Variants in PHACTR1 observed in about 807,000 individuals in gnomAD.
The protein encoded by PHACTR1 is phosphatase and actin regulator 1.
A neutral mutation model predicts 69.2 loss-of-function variants in PHACTR1; 16 were observed. The observed-to-expected ratio is 0.23, with a 90% CI of 0.16 to 0.35. The LOEUF (loss-of-function observed/expected upper bound fraction) is 0.35, where lower values mean the gene tolerates loss of function less well. Ranked by LOEUF, PHACTR1 falls within the 10% of genes least tolerant of loss-of-function variation. PHACTR1 has a pLI of 1.00. For synonymous variants in PHACTR1, 312 were observed against 284.5 expected (o/e 1.10, Z -0.97); for missense variants, 510 against 734.7 (o/e 0.69, Z 3.54).
intron 4 of PHACTR1, among the ~76,000 whole-genome samples, chr6:12,915,209 A>T (rs372545383): frequency 2.0e-5 from 3 of 152,152 alleles, no homozygotes; most frequent in Non-Finnish European, 2.9e-5. Context: ...AAAACTCAGC[A>T]TCAAAACCAG....
At chr6:13,115,244 CTG>C (rs1817638193) in intron 5 of PHACTR1, among the ~76,000 whole-genome samples, 2 of 152,304 alleles carry the variant, frequency 1.3e-5, no homozygotes, top group South Asian at 4.1e-4. Context: ...TGCCAGAGAA[CTG>C]TTTGGTTGAA....
intron 4 of PHACTR1, among the ~76,000 whole-genome samples, chr6:12,989,621 G>A (rs1554187133): frequency 7.2e-5 from 11 of 152,172 alleles, no homozygotes; most frequent in Non-Finnish European, 2.9e-5. Context: ...TCCAAAGTCC[G>A]GTGGTGACAA....
intron 10 of PHACTR1, among the ~76,000 whole-genome samples, chr6:13,259,257 C>T (rs1177083586): frequency 6.6e-6 from 1 of 152,162 alleles, no homozygotes. Context: ...GTCCAATAAT[C>T]CTAATAATAC....
At chr6:13,007,658 C>CTTTTTTTTTTTTT (rs55855505) in intron 4 of PHACTR1, among the ~76,000 whole-genome samples, 1 of 111,598 alleles carries the variant, frequency 9.0e-6, no homozygotes, top group African/African-American at 3.2e-5. Context: ...TTTGGAGATC[C>CTTTTTTTTTTTTT]TTTTTTTTTT....
chr6:12,952,992 C>G (rs938494080), intron 4 of PHACTR1, among the ~76,000 whole-genome samples: 1 of 152,166 alleles, frequency 6.6e-6, no homozygotes, highest in Non-Finnish European at 1.5e-5. Flanking sequence ...CCTGTGACAT[C>G]CACATGGCAG....
intron 4 of PHACTR1, among the ~76,000 whole-genome samples, chr6:12,832,717 A>G (rs1777717449): frequency 6.6e-6 from 1 of 152,148 alleles, no homozygotes; most frequent in Admixed American, 6.6e-5. Flanking sequence ...CTTTGCCTCA[A>G]TAAATAATTT....
At chr6:13,156,698 C>T (rs1193152315) in intron 5 of PHACTR1, among the ~76,000 whole-genome samples, 1 of 152,210 alleles carries the variant, frequency 6.6e-6, no homozygotes, top group Non-Finnish European at 1.5e-5. Context: ...TAGCATCGAA[C>T]TTGTCATGCA....
chr6:13,148,208 CATA>C (rs2113417461), intron 5 of PHACTR1, among the ~76,000 whole-genome samples: 1 of 134,014 alleles, frequency 7.5e-6, no homozygotes, highest in South Asian at 2.4e-4. Context: ...AATTTGCAAA[CATA>C]AGAGAAGTTG....
chr6:12,842,026 A>G (rs1319943206), intron 4 of PHACTR1, among the ~76,000 whole-genome samples: 1 of 152,196 alleles, frequency 6.6e-6, no homozygotes, highest in Non-Finnish European at 1.5e-5. Context: ...TTATGCCACT[A>G]GTAATAAGGA....
Position 13,278,257 on chromosome 6 carries a change from A to AT in PHACTR1, c.1448-3dup, listed in dbSNP as rs771327107. 5.2e-5 allele frequency: 81 copies of AT among 1,571,334 alleles called. No individual in the cohort carries two copies. The highest frequency in any genetic ancestry group is 6.1e-5 in the Non-Finnish European group (71 of 1,157,992). ...ACTGAAATAAAAAAACATCTTAAATATTTTTTTTAGCTCGGAATGAACAAG... is the reference window on the plus strand; with the variant it reads ...ACTGAAATAAAAAAACATCTTAAATATTTTTTTTTAGCTCGGAATGAACAAG... On this transcript the variant is annotated splice_polypyrimidine_tract_variant and intron_variant, in intron 11 of 14. Transcript: ENST00000332995.
At chr6:12,958,901 G>A (rs959767037) in intron 4 of PHACTR1, among the ~76,000 whole-genome samples, 3 of 152,102 alleles carry the variant, frequency 2.0e-5, no homozygotes, top group Non-Finnish European at 4.4e-5. Flanking sequence ...GAGGGGTCGG[G>A]CACGGTGGCT....
chr6:12,931,752 T>C (rs977199626), intron 4 of PHACTR1, among the ~76,000 whole-genome samples: 5 of 151,582 alleles, frequency 3.3e-5, no homozygotes, highest in African/African-American at 1.2e-4. Context: ...TCGTATTCTT[T>C]CTGTTAGTGC....
intron 4 of PHACTR1, among the ~76,000 whole-genome samples, chr6:13,047,232 G>A (rs10948404): frequency 0.12 from 18,288 of 151,938 alleles, 3,121 homozygotes; most frequent in African/African-American, 0.38. Context: ...ACAAAAATTA[G>A]CCGAGTGTGG....
chr6:12,830,691 G>A (rs977408811), intron 4 of PHACTR1, among the ~76,000 whole-genome samples: 55 of 152,162 alleles, frequency 3.6e-4, no homozygotes, highest in African/African-American at 1.3e-3. Context: ...CCGGGTTCAA[G>A]CGATTCTCCT....
intron 4 of PHACTR1, among the ~76,000 whole-genome samples, chr6:12,764,108 C>A (rs539207580): frequency 3.3e-5 from 5 of 152,052 alleles, no homozygotes; most frequent in Non-Finnish European, 7.4e-5. Flanking sequence ...CAGAAGGGGA[C>A]CAAGTAGAGA....
intron 5 of PHACTR1, among the ~76,000 whole-genome samples, chr6:13,105,083 C>T (rs1293524684): frequency 6.6e-6 from 1 of 152,150 alleles, no homozygotes; most frequent in African/African-American, 2.4e-5. Flanking sequence ...CTTCACCTGT[C>T]TTTAAGAATG....
intron 4 of PHACTR1, among the ~76,000 whole-genome samples, chr6:12,823,723 C>T (rs1158740843): frequency 2.6e-5 from 4 of 152,072 alleles, no homozygotes; most frequent in African/African-American, 4.8e-5. Flanking sequence ...TCGATTTTGT[C>T]GGTTGGTCTG....
chr6:13,184,994 A>G (rs961244669), intron 7 of PHACTR1: 6 of 1,365,848 alleles, frequency 4.4e-6, no homozygotes, highest in East Asian at 4.5e-5. Context: ...AGGATTGCCA[A>G]CCACTTAACA....
At chr6:12,948,238 C>T (rs555812098) in intron 4 of PHACTR1, among the ~76,000 whole-genome samples, 139 of 152,232 alleles carry the variant, frequency 9.1e-4, no homozygotes, top group African/African-American at 3.2e-3. Flanking sequence ...GTAAGCTGTA[C>T]AGAGCCCCTG....
Sources: allele counts gnomAD v4.1 joint callset (sites outside exome capture counted in the v4.1 genomes callset), GRCh38; gene constraint gnomAD v4.1.1; transcripts MANE v1.5; gene names NCBI Gene and HGNC (gene_info 2026-07-23, HGNC 2026-07-21).